The following EYS variants were observed in gnomAD, a reference collection of about 807,000 sequenced individuals.
EYS encodes protein eyes shut homolog.
EYS carries 250 observed loss-of-function variants against 282.1 expected under a neutral mutation model. The observed-to-expected ratio is 0.89, with a 90% CI of 0.80 to 0.98. EYS has a LOEUF of 0.98. Among genes scored for constraint, EYS ranks in the 50% least tolerant of loss-of-function variants. EYS has a pLI of 0.00. For missense variants in EYS, 4,016 were observed against 3,709.0 expected, an observed-to-expected ratio of 1.08 and a Z score of -2.15; for synonymous variants, 1,355 against 1,282.9, an observed-to-expected ratio of 1.06 and a Z score of -1.20.
intron 35 of EYS, among the ~76,000 whole-genome samples, chr6:63,937,529 C>T (rs1042502750): frequency 4.6e-5 from 7 of 150,732 alleles, no homozygotes; most frequent in African/African-American, 1.5e-4. Flanking sequence ...TACAGGCGCC[C>T]GCCACCACGA....
chr6:63,928,171 A>C (rs1315318249), intron 35 of EYS, among the ~76,000 whole-genome samples: 1 of 152,216 alleles, frequency 6.6e-6, no homozygotes, highest in African/African-American at 2.4e-5. Context: ...GCTAGACAAC[A>C]CTGGCTTGTA....
chr6:63,926,949 A>G (rs1764733361), intron 35 of EYS, among the ~76,000 whole-genome samples: 1 of 152,230 alleles, frequency 6.6e-6, no homozygotes. Flanking sequence ...GGATTTTTTC[A>G]AAGAGCTTCT....
chr6:64,411,892 T>TATATGTATATATGTTTATATATGCATGC (rs1773904175), intron 28 of EYS, among the ~76,000 whole-genome samples: 1 of 97,628 alleles, frequency 1.0e-5, no homozygotes, highest in East Asian at 4.2e-4. Context: ...TATATACACA[T>TATATGTATATATGTTTATATATGCATGC]ATATATGTAT....
At chr6:63,977,526 C>T in intron 35 of EYS, among the ~76,000 whole-genome samples, 1 of 151,956 alleles carries the variant, frequency 6.6e-6, no homozygotes, top group East Asian at 1.9e-4. Context: ...AGGTTGAGGG[C>T]CTCTTAAGCT....
chr6:65,028,851 T>G (rs753611806), intron 13 of EYS, among the ~76,000 whole-genome samples: 29 of 152,230 alleles, frequency 1.9e-4, no homozygotes, highest in Non-Finnish European at 3.2e-4. Flanking sequence ...TTGATAATTT[T>G]CCAACTCCAC....
intron 32 of EYS, among the ~76,000 whole-genome samples, chr6:64,071,557 ATTATAC>A (rs1771578744): frequency 6.6e-6 from 1 of 151,472 alleles, no homozygotes; most frequent in South Asian, 2.1e-4. Context: ...TTTTATTACT[ATTATAC>A]TTTAACAAAG....
At chr6:64,463,240 T>C (rs1445791648) in intron 26 of EYS, among the ~76,000 whole-genome samples, 2 of 152,138 alleles carry the variant, frequency 1.3e-5, no homozygotes, top group African/African-American at 2.4e-5. Flanking sequence ...CGTGAGCCAC[T>C]GCGCCTGGCC....
intron 36 of EYS, among the ~76,000 whole-genome samples, chr6:63,860,631 C>G (rs1450524453): frequency 6.6e-6 from 1 of 152,186 alleles, no homozygotes; most frequent in Admixed American, 6.5e-5. Context: ...TCTCTCCTAC[C>G]CCATTTTATT....
chr6:64,982,430 ATGTG>A (rs1770708738), intron 14 of EYS, among the ~76,000 whole-genome samples: 1 of 151,380 alleles, frequency 6.6e-6, no homozygotes, highest in African/African-American at 2.4e-5. Flanking sequence ...TCTACATTTT[ATGTG>A]TATGTTTATA....
At chr6:65,124,083 C>T (rs541946902) in intron 12 of EYS, among the ~76,000 whole-genome samples, 6 of 151,896 alleles carry the variant, frequency 4.0e-5, no homozygotes, top group African/African-American at 7.3e-5. Context: ...CTGAGGTAGG[C>T]GGATCCCTTG....
At chr6:64,216,131 A>G (rs1177690752) in intron 31 of EYS, among the ~76,000 whole-genome samples, 2 of 152,224 alleles carry the variant, frequency 1.3e-5, no homozygotes, top group African/African-American at 2.4e-5. Flanking sequence ...AGATAAATAA[A>G]TGTATTTTGA....
chr6:64,483,674 T>G (rs1031866904), intron 26 of EYS, among the ~76,000 whole-genome samples: 1 of 151,590 alleles, frequency 6.6e-6, no homozygotes, highest in Admixed American at 6.6e-5. Context: ...AATAACCAGG[T>G]AAGTCTGATT....
chr6:64,935,419 T>C (rs973336637), intron 15 of EYS, among the ~76,000 whole-genome samples: 1 of 151,738 alleles, frequency 6.6e-6, no homozygotes, highest in African/African-American at 2.4e-5. Flanking sequence ...TACTTTGTAT[T>C]CAATAGTGAA....
intron 13 of EYS, among the ~76,000 whole-genome samples, chr6:65,042,497 C>T (rs1012825558): frequency 1.3e-5 from 2 of 151,162 alleles, no homozygotes; most frequent in South Asian, 4.1e-4. Context: ...ATAGCCATCC[C>T]TTTTTAAATT....
chr6:64,347,027 A>G (rs1358950058), intron 29 of EYS, among the ~76,000 whole-genome samples: 1 of 151,454 alleles, frequency 6.6e-6, no homozygotes, highest in Non-Finnish European at 1.5e-5. Flanking sequence ...ATAATCTTTA[A>G]AAACTACTTC....
chr6:65,384,597 A>G, intron 7 of EYS, 97 bp from the exon 8 acceptor site: 1 of 667,970 alleles, frequency 1.5e-6, no homozygotes, highest in South Asian at 1.7e-5. Context: ...CTTTGTTTAA[A>G]TTATATGGTA....
chr6:64,055,044 G>A (rs1489706734), intron 33 of EYS, among the ~76,000 whole-genome samples: 3 of 152,140 alleles, frequency 2.0e-5, no homozygotes, highest in African/African-American at 4.8e-5. Context: ...TCTGCTTACT[G>A]TAGTACAGAT....
Position 63,905,479 on chromosome 6 carries a change from G to A in EYS, c.7056-41121C>T, listed in dbSNP as rs537348970. Among the ~76,000 whole-genome samples, 14 of 151,744 alleles carry A rather than the reference G, an allele frequency of 9.2e-5. No individual in the cohort carries two copies. The South Asian group carries it at 2.7e-3, about 29-fold the overall frequency. On this transcript the variant is annotated intron_variant, in intron 35 of 42. Transcript: ENST00000503581. ...TGAGTAGCTGGGATTACAGGCGCCCGCCACCACGCCCGGCTAATTTTTTGT... is the reference window on the plus strand; with the variant it reads ...TGAGTAGCTGGGATTACAGGCGCCCACCACCACGCCCGGCTAATTTTTTGT...
chr6:65,109,620 T>C (rs536267489), intron 12 of EYS, among the ~76,000 whole-genome samples: 19 of 150,966 alleles, frequency 1.3e-4, no homozygotes, highest in Admixed American at 5.3e-4. Context: ...TTTTAACAAA[T>C]CCTGGTTTCC....
Sources: gnomAD v4.1 joint callset for allele counts (sites outside exome capture counted in the v4.1 genomes callset) on GRCh38, gnomAD v4.1.1 for gene constraint, MANE v1.5 for transcripts, NCBI Gene and HGNC (gene_info 2026-07-23, HGNC 2026-07-21) for gene names.